Variants in FBXO22 observed in about 807,000 individuals in gnomAD.
FBXO22 encodes F-box protein 22, also known as F-box only protein 22.
A neutral mutation model predicts 37.2 loss-of-function variants in FBXO22; 13 were observed. That is an observed-to-expected ratio of 0.35 (90% CI 0.23 to 0.56). The LOEUF (loss-of-function observed/expected upper bound fraction) is 0.56, where lower values mean the gene tolerates loss of function less well. Among genes scored for constraint, FBXO22 ranks in the 20% least tolerant of loss-of-function variants. The pLI is 0.87. For missense variants in FBXO22, 446 were observed against 509.9 expected, an observed-to-expected ratio of 0.87 and a Z score of 1.21; for synonymous variants, 189 against 189.1, an observed-to-expected ratio of 1.00 and a Z score of 0.00.
intron 1 of FBXO22, 118 bp downstream of exon 1, chr15:75,904,221 C>T (rs556217547): frequency 2.9e-6 from 4 of 1,362,684 alleles, no homozygotes; most frequent in East Asian, 2.6e-5. Flanking sequence ...CCGGCTCGCT[C>T]GCCCTACCTG....
chr15:75,929,514 G>GTTTTTTTTT (rs35139316), intron 5 of FBXO22, among the ~76,000 whole-genome samples: 3 of 142,608 alleles, frequency 2.1e-5, no homozygotes, highest in Non-Finnish European at 1.5e-5. Context: ...GTAAACCAGT[G>GTTTTTTTTT]TTTTTTTTTT....
intron 5 of FBXO22, among the ~76,000 whole-genome samples, chr15:75,920,393 A>G (rs543727647): frequency 2.6e-5 from 4 of 152,356 alleles, no homozygotes; most frequent in African/African-American, 7.2e-5. Context: ...AAGCCAGTCC[A>G]GGGCAACATA....
chr15:75,923,902 A>T (rs988855205), intron 5 of FBXO22, among the ~76,000 whole-genome samples: 2 of 152,124 alleles, frequency 1.3e-5, no homozygotes, highest in African/African-American at 4.8e-5. Context: ...TTGGGGCTGA[A>T]TGGACAGGAT....
chr15:75,920,161 G>C (rs1018113958), intron 5 of FBXO22, among the ~76,000 whole-genome samples: 1 of 152,212 alleles, frequency 6.6e-6, no homozygotes. Context: ...GAGCTTATGT[G>C]ATTTTGTAAT....
At chr15:75,919,919 C>T (rs1015250501) in intron 5 of FBXO22, among the ~76,000 whole-genome samples, 5 of 152,148 alleles carry the variant, frequency 3.3e-5, no homozygotes, top group African/African-American at 1.2e-4. Context: ...CACAGCTTTG[C>T]CAGACAGAAT....
chr15:75,939,552 T>A lies in FBXO22; in HGVS notation c.*6450T>A, dbSNP rs899703715. 6.6e-6 allele frequency: 1 copy of A among 152,170 alleles called. No homozygotes were observed. Among genetic ancestry groups the A allele is most frequent in the Admixed American group, 6.5e-5 (1 of 15,280 alleles). 9.4% of individuals were successfully genotyped at this position (152,170 alleles called of 1,614,324 possible). On this transcript the variant is annotated 3_prime_UTR_variant, in exon 7 of 7. Transcript: ENST00000308275. Reference sequence around the variant, plus strand: ...ATTGAAGAGGAAGGACGCTGCCTAATTCATTCTGATGCTGAAGCCAGACAA... The same window carrying A: ...ATTGAAGAGGAAGGACGCTGCCTAAATCATTCTGATGCTGAAGCCAGACAA...
chr15:75,919,426 C>T (rs1900270919), intron 5 of FBXO22, among the ~76,000 whole-genome samples: 1 of 152,272 alleles, frequency 6.6e-6, no homozygotes, highest in African/African-American at 2.4e-5. Flanking sequence ...TAAATACATA[C>T]AATTTTATCT....
intron 5 of FBXO22, among the ~76,000 whole-genome samples, chr15:75,917,830 A>G (rs1900222516): frequency 6.6e-6 from 1 of 152,206 alleles, no homozygotes; most frequent in African/African-American, 2.4e-5. Context: ...AATTAGAAAG[A>G]TGGGAACAAG....
At position 75,934,429 on chromosome 15, in the gene FBXO22, T is replaced by A; in HGVS notation, c.*1327T>A. The A allele has an allele frequency of 6.6e-6, 1 of 152,242 alleles. No homozygotes were observed. The highest frequency in any genetic ancestry group is 2.4e-5 in the African/African-American group (1 of 41,468). The allele number at this position is 152,242 out of a possible 1,614,324, so 9.4% of individuals were successfully genotyped here. Reference sequence around the variant, plus strand: ...TACAGTATGATGTAACTAATGTTACTTTTGTAACAGTCAGTGGTTTGTTCT... The same window carrying A: ...TACAGTATGATGTAACTAATGTTACATTTGTAACAGTCAGTGGTTTGTTCT... On this transcript the variant is annotated 3_prime_UTR_variant, in exon 7 of 7. Transcript: ENST00000308275.
chr15:75,913,384 CTT>C lies in FBXO22; in HGVS notation c.367+96_367+97del, dbSNP rs1900112208. 11 of 810,862 alleles carry C rather than the reference CTT, an allele frequency of 1.4e-5. No homozygotes were observed. In the South Asian group the frequency reaches 1.7e-4, roughly 12 times the overall value. 50.2% of individuals were successfully genotyped at this position (810,862 alleles called of 1,614,324 possible). On this transcript the variant is annotated intron_variant, in intron 3 of 6. Coordinates refer to ENST00000308275, the MANE Select transcript of FBXO22 (RefSeq NM_147188.3). The stretch of plus-strand genomic sequence containing the variant: ...TATACTTGTCCTGAGAGTTAACTGA[CTT>C]TCTGAGGCTCTGGGACTGCCACCTG...
Position 75,930,058 on chromosome 15 carries a change from T to A in FBXO22, c.794+9T>A. 1 of 1,613,902 alleles carries A rather than the reference T, an allele frequency of 6.2e-7. No homozygotes were observed. The highest frequency in any genetic ancestry group is 8.5e-7 in the Non-Finnish European group (1 of 1,179,810). On this transcript the variant is annotated intron_variant, in intron 6 of 6. Coordinates refer to ENST00000308275, the MANE Select transcript of FBXO22 (RefSeq NM_147188.3). ...TCACTGACTTCTGAAAAGTATGTCT[T>A]GTGTGCTTCTGATTTCGTCTGTGAA...
rs567082498 is a variant in FBXO22 at position 75,919,196 on chromosome 15, T to C, written c.628+1802T>C. On this transcript the variant is annotated intron_variant, in intron 5 of 6. Coordinates refer to ENST00000308275, the MANE Select transcript of FBXO22 (RefSeq NM_147188.3). ...CATGTTAGCCAGGGTGGTCTCAAAC[T>C]CCTGGCCTCAAGTGATCCACCTGCC... is the stretch of plus-strand genomic sequence containing the variant. Among the ~76,000 whole-genome samples, 4 of 152,262 alleles carry C rather than the reference T, an allele frequency of 2.6e-5. No homozygotes were observed. In the East Asian group the frequency reaches 7.7e-4, roughly 29 times the overall value.
intron 5 of FBXO22, among the ~76,000 whole-genome samples, chr15:75,928,690 G>GT (rs1433384789): frequency 1.3e-5 from 2 of 151,996 alleles, no homozygotes; most frequent in African/African-American, 4.8e-5. Flanking sequence ...CATGACACAC[G>GT]TTTGCCTGTG....
At chr15:75,917,085 T>C (rs936269525) in intron 4 of FBXO22, 145 bp from the exon 5 acceptor site, 1 of 588,528 alleles carries the variant, frequency 1.7e-6, no homozygotes, top group African/African-American at 1.9e-5. Flanking sequence ...GCAAACATCA[T>C]GACACTACAC....
At chr15:75,912,591 T>C (rs1366199469) in intron 2 of FBXO22, among the ~76,000 whole-genome samples, 1 of 152,258 alleles carries the variant, frequency 6.6e-6, no homozygotes, top group Non-Finnish European at 1.5e-5. Context: ...TGGTAGTCTG[T>C]ATTTCTGTGG....
At chr15:75,932,239 A>T (rs1028779101) in intron 6 of FBXO22, among the ~76,000 whole-genome samples, 1 of 152,196 alleles carries the variant, frequency 6.6e-6, no homozygotes, top group Admixed American at 6.5e-5. Flanking sequence ...CTCCATTATT[A>T]TATTTTTAAT....
intron 6 of FBXO22, 169 bp downstream of exon 6, chr15:75,930,218 C>T (rs2029965533): frequency 9.7e-6 from 14 of 1,444,136 alleles, no homozygotes; most frequent in Non-Finnish European, 1.3e-5. Context: ...CATAATTCTG[C>T]TTACGGTTGA....
At position 75,933,017 on chromosome 15, in the gene FBXO22, G is replaced by C. The variant is rs1449158610; in HGVS notation, c.1127G>C (p.Arg376Thr). The C allele has an allele frequency of 6.2e-7, 1 of 1,614,004 alleles. No homozygotes were observed. The highest frequency in any genetic ancestry group is 8.5e-7 in the Non-Finnish European group (1 of 1,180,020). Residue 376 changes from arginine to threonine, a missense_variant, in exon 7 of 7, where the codon AGG becomes ACG. Arg to Thr is a moderately conservative substitution (Grantham distance 71). This residue lies in a region of FBXO22 where 315 missense variants were observed against 410.1 expected (regional missense o/e 0.77). Transcript: ENST00000308275. ...ATAGTCACTGGGAACTTTATATTGA[G>C]GAAATGTAATGAGGTAAAAGATGAT... Reference protein sequence around the residue: ...DRIVTGNFILRKCNEVKDDDL... With the variant: ...DRIVTGNFILTKCNEVKDDDL...
intron 2 of FBXO22, among the ~76,000 whole-genome samples, chr15:75,908,418 G>T (rs191934539): frequency 6.6e-6 from 1 of 151,840 alleles, no homozygotes; most frequent in African/African-American, 2.4e-5. Flanking sequence ...GACTACAGGC[G>T]CATGCAGCCA....
Sources: gnomAD v4.1 joint callset for allele counts (sites outside exome capture counted in the v4.1 genomes callset) on GRCh38, gnomAD v4.1.1 for gene constraint, gnomAD v4.1.1 regional missense constraint, MANE v1.5 for transcripts, NCBI Gene and HGNC (gene_info 2026-07-23, HGNC 2026-07-21) for gene names.